PRKAR2A: variants seen among roughly 807,000 people sequenced by gnomAD.
The protein encoded by PRKAR2A is protein kinase cAMP-dependent type II regulatory subunit alpha.
In PRKAR2A, 29 loss-of-function variants were observed where a neutral mutation model predicts 51.9. The observed-to-expected ratio is 0.56, with a 90% CI of 0.42 to 0.76. The LOEUF is 0.76. PRKAR2A is among the 30% of genes least tolerant of loss of function. The pLI is 0.00. For synonymous variants in PRKAR2A, 178 were observed against 186.2 expected (o/e 0.96, Z 0.36); for missense variants, 445 against 512.1 (o/e 0.87, Z 1.26).
At chr3:48,762,257 T>G (rs1313662118) in intron 8 of PRKAR2A, among the ~76,000 whole-genome samples, 1 of 152,110 alleles carries the variant, frequency 6.6e-6, no homozygotes, top group Non-Finnish European at 1.5e-5. Flanking sequence ...TGACTGTAAT[T>G]TTTTTAAAAA....
chr3:48,789,977 T>A (rs908376322), intron 4 of PRKAR2A, among the ~76,000 whole-genome samples: 1 of 152,030 alleles, frequency 6.6e-6, no homozygotes, highest in African/African-American at 2.4e-5. Context: ...GTTTCTCTCA[T>A]CTTTTCACTT....
intron 3 of PRKAR2A, among the ~76,000 whole-genome samples, chr3:48,791,633 A>T (rs942484389): frequency 2.1e-5 from 3 of 142,138 alleles, no homozygotes; most frequent in African/African-American, 7.9e-5. Context: ...ATGGTGGCTC[A>T]CTCCTGTAAT....
At chr3:48,834,729 A>G (rs1270148985) in intron 1 of PRKAR2A, among the ~76,000 whole-genome samples, 9 of 151,550 alleles carry the variant, frequency 5.9e-5, no homozygotes, top group Non-Finnish European at 2.9e-5. Flanking sequence ...GTCTCAAGAA[A>G]AAAAAAAAAA....
chr3:48,770,039 G>A lies in PRKAR2A; in HGVS notation c.696+2916C>T, dbSNP rs536756163. Among the ~76,000 whole-genome samples, 3 of 152,278 alleles carry A rather than the reference G, an allele frequency of 2.0e-5. No individual in the cohort carries two copies. The East Asian group carries it at 5.8e-4, about 29-fold the overall frequency. On this transcript the variant is annotated intron_variant, in intron 6 of 10. Coordinates refer to ENST00000265563, the MANE Select transcript of PRKAR2A (RefSeq NM_004157.4). ...GATTTGCCCACCGTGGCCTCCCAAA[G>A]TACTGGGATTACATCATGAGTCACC...
At chr3:48,837,820 AG>A (rs1170756305) in intron 1 of PRKAR2A, among the ~76,000 whole-genome samples, 1 of 152,000 alleles carries the variant, frequency 6.6e-6, no homozygotes, top group Non-Finnish European at 1.5e-5. Flanking sequence ...AAAAAAAAAA[AG>A]TACTGATACA....
At chr3:48,768,160 G>A (rs771217353) in intron 6 of PRKAR2A, among the ~76,000 whole-genome samples, 2 of 151,664 alleles carry the variant, frequency 1.3e-5, no homozygotes, top group Non-Finnish European at 2.9e-5. Context: ...CAGGCGTGGT[G>A]GCGTGCACTT....
In PRKAR2A at chr3:48,847,803, C is replaced by G. The variant is rs1390753108; in HGVS notation, c.-207G>C. ...CGACCTGGCACCGCCGCCGCTGTCA[C>G]TGGGCAGCCGCCGCCGCCGCGGGGA... On this transcript the variant is annotated 5_prime_UTR_variant, in exon 1 of 11. Transcript: ENST00000265563. The surrounding 1 kb of genome is among the most constrained non-coding windows in gnomAD (Gnocchi z 4.4). 1.3e-5 allele frequency: 6 copies of G among 462,652 alleles called. No homozygotes were observed. Among genetic ancestry groups the G allele is most frequent in the Non-Finnish European group, 6.9e-6 (2 of 288,102 alleles). The allele number at this position is 462,652 out of a possible 1,614,324, so 28.7% of individuals were successfully genotyped here. A position where few individuals can be genotyped will look rare whatever the true frequency, so the allele number is the denominator to read the frequency against.
intron 1 of PRKAR2A, among the ~76,000 whole-genome samples, chr3:48,827,624 C>T (rs1219306109): frequency 6.6e-6 from 1 of 151,958 alleles, no homozygotes; most frequent in Non-Finnish European, 1.5e-5. Context: ...ACATAGAAAA[C>T]GTATGGTAAA....
At chr3:48,796,967 A>T (rs935167101) in intron 2 of PRKAR2A, among the ~76,000 whole-genome samples, 45 of 151,470 alleles carry the variant, frequency 3.0e-4, no homozygotes, top group African/African-American at 1.1e-3. Context: ...TCTAGTCTTC[A>T]CTCCTCTTAT....
At chr3:48,768,294 AAGATAGATAGATAGATAGAT>A (rs561041221) in intron 6 of PRKAR2A, among the ~76,000 whole-genome samples, 13 of 140,200 alleles carry the variant, frequency 9.3e-5, no homozygotes, top group South Asian at 2.4e-4. Context: ...ACCGTCTCAA[AAGATAGATAGATAGATAGAT>A]AGATAGATAG....
chr3:48,771,332 ACT>A (rs2082025292), intron 6 of PRKAR2A, among the ~76,000 whole-genome samples: 1 of 152,038 alleles, frequency 6.6e-6, no homozygotes, highest in Non-Finnish European at 1.5e-5. Context: ...ACATAGTGAG[ACT>A]CTGTCTCAAC....
chr3:48,781,601 C>T (rs563738460), intron 5 of PRKAR2A, among the ~76,000 whole-genome samples: 1 of 152,246 alleles, frequency 6.6e-6, no homozygotes, highest in East Asian at 1.9e-4. Context: ...CAGCCTCTGC[C>T]TCCCAGGTTC....
At chr3:48,843,924 G>T (rs1233089669) in intron 1 of PRKAR2A, among the ~76,000 whole-genome samples, 1 of 150,566 alleles carries the variant, frequency 6.6e-6, no homozygotes, top group Non-Finnish European at 1.5e-5. Flanking sequence ...ACATAGGCAT[G>T]GGCAAGGACT....
intron 6 of PRKAR2A, among the ~76,000 whole-genome samples, chr3:48,769,153 C>CTTT (rs1418956634): frequency 4.3e-5 from 2 of 46,996 alleles, no homozygotes; most frequent in African/African-American, 2.2e-4. Context: ...CAACAAATAT[C>CTTT]TTTCTTTTTT....
intron 1 of PRKAR2A, among the ~76,000 whole-genome samples, chr3:48,822,194 G>A (rs953473079): frequency 6.8e-6 from 1 of 147,080 alleles, no homozygotes; most frequent in Non-Finnish European, 1.5e-5. Context: ...CTGGGTGACG[G>A]GGCAAGATTC....
At chr3:48,811,049 T>C (rs902721815) in intron 1 of PRKAR2A, among the ~76,000 whole-genome samples, 6 of 152,052 alleles carry the variant, frequency 3.9e-5, no homozygotes, top group African/African-American at 1.4e-4. Context: ...CGAGGTGGCA[T>C]GCACTTGAGT....
At chr3:48,769,031 C>T (rs1383852691) in intron 6 of PRKAR2A, among the ~76,000 whole-genome samples, 3 of 151,302 alleles carry the variant, frequency 2.0e-5, no homozygotes, top group African/African-American at 4.9e-5. Flanking sequence ...ATCCTGGAGG[C>T]GGAGGTTGCA....
chr3:48,766,069 CAAA>C (rs1422337894), intron 6 of PRKAR2A, among the ~76,000 whole-genome samples: 1 of 151,710 alleles, frequency 6.6e-6, no homozygotes, highest in Non-Finnish European at 1.5e-5. Flanking sequence ...AAAAAATACA[CAAA>C]AAAAGTTAGC....
At chr3:48,818,196 C>T (rs2082903337) in intron 1 of PRKAR2A, among the ~76,000 whole-genome samples, 1 of 152,144 alleles carries the variant, frequency 6.6e-6, no homozygotes, top group Non-Finnish European at 1.5e-5. Context: ...GGCAGGTAGG[C>T]ACTTCCAACC....
Sources: allele counts gnomAD v4.1 joint callset (sites outside exome capture counted in the v4.1 genomes callset), GRCh38; gene constraint gnomAD v4.1.1; non-coding constraint Gnocchi (gnomAD v3.1); transcripts MANE v1.5; gene names NCBI Gene and HGNC (gene_info 2026-07-23, HGNC 2026-07-21).